The following PLCB1 variants were observed in gnomAD, a reference collection of about 807,000 sequenced individuals.
PLCB1 encodes the protein phospholipase C beta 1.
A neutral mutation model predicts 161.8 loss-of-function variants in PLCB1; 46 were observed. The ratio of observed to expected loss-of-function variants is 0.28; its 90% CI spans 0.22 to 0.36. PLCB1 has a LOEUF of 0.36. Ranked by LOEUF, PLCB1 falls within the 10% of genes least tolerant of loss-of-function variation. The probability of loss-of-function intolerance (pLI) is 1.00; values close to 1 mark genes in which losing one functional copy is unlikely to be tolerated. For missense variants in PLCB1, 1,016 were observed against 1,472.5 expected, an observed-to-expected ratio of 0.69 and a Z score of 5.07; for synonymous variants, 517 against 503.7, an observed-to-expected ratio of 1.03 and a Z score of -0.35.
chr20:8,156,940 G>C (rs1340480642), intron 2 of PLCB1, among the ~76,000 whole-genome samples: 2 of 152,146 alleles, frequency 1.3e-5, no homozygotes, highest in Non-Finnish European at 2.9e-5. Context: ...AAAATGTGCT[G>C]TTTTGAAAAC....
chr20:8,273,597 C>T (rs6133565), intron 2 of PLCB1, among the ~76,000 whole-genome samples: 15,661 of 152,064 alleles, frequency 0.1, 953 homozygotes, highest in East Asian at 0.18. Flanking sequence ...AACCTAACCC[C>T]GCTGGCTGAA....
chr20:8,702,129 TAA>T (rs1480898324), intron 11 of PLCB1, among the ~76,000 whole-genome samples: 3 of 152,176 alleles, frequency 2.0e-5, no homozygotes, highest in African/African-American at 7.2e-5. Flanking sequence ...TGGGTCAAAA[TAA>T]AAAGTTACGT....
intron 2 of PLCB1, among the ~76,000 whole-genome samples, chr20:8,152,580 C>G (rs2051520287): frequency 6.6e-6 from 1 of 151,972 alleles, no homozygotes; most frequent in South Asian, 2.1e-4. Flanking sequence ...TATTTTTTAT[C>G]TGGCAATTAG....
At chr20:8,280,734 A>G (rs1331678310) in intron 2 of PLCB1, among the ~76,000 whole-genome samples, 2 of 152,224 alleles carry the variant, frequency 1.3e-5, no homozygotes, top group African/African-American at 4.8e-5. Context: ...AATATTAAGC[A>G]TTTAATTATT....
Position 8,781,447 on chromosome 20 carries a change from CAA to C in PLCB1, c.3111+6730_3111+6731del, listed in dbSNP as rs569069973. Reference sequence around the variant, plus strand: ...ACACACACACACACACACACACACACAAAGATCCAAATCCATATAGTTTTCAA... The same window carrying C: ...ACACACACACACACACACACACACACAGATCCAAATCCATATAGTTTTCAA... On this transcript the variant is annotated intron_variant, in intron 27 of 31. Transcript: ENST00000338037. Among the ~76,000 whole-genome samples the C allele has an allele frequency of 3.3e-3, 483 of 145,888 alleles. 8 individuals are homozygous for C. In the South Asian group the frequency reaches 0.043, roughly 13 times the overall value.
intron 2 of PLCB1, among the ~76,000 whole-genome samples, chr20:8,295,096 A>G (rs1332433003): frequency 2.6e-5 from 4 of 152,184 alleles, no homozygotes; most frequent in Admixed American, 1.3e-4. Context: ...TACCTGTTGG[A>G]TAAAACTATA....
intron 2 of PLCB1, among the ~76,000 whole-genome samples, chr20:8,267,494 C>A (rs1309684966): frequency 6.6e-6 from 1 of 152,172 alleles, no homozygotes; most frequent in East Asian, 1.9e-4. Context: ...TCAGCTCTGC[C>A]TCATTCACTT....
At position 8,257,618 on chromosome 20, in the gene PLCB1, G is replaced by A. The variant is rs553289391; in HGVS notation, c.177+107247G>A. On this transcript the variant is annotated intron_variant, in intron 2 of 31. Transcript: ENST00000338037. ...GAACAGGGATAATAATGGTTCCTAC[G>A]TCACAGGGTGATTGTGAGAATTCCG... 2.2e-3 allele frequency among the ~76,000 whole-genome samples: 337 copies of A among 152,204 alleles called. 1 individual carries two copies. The highest frequency in any genetic ancestry group is 7.9e-3 in the African/African-American group (327 of 41,544).
chr20:8,343,711 C>T (rs1985896761), intron 2 of PLCB1, among the ~76,000 whole-genome samples: 1 of 152,170 alleles, frequency 6.6e-6, no homozygotes, highest in African/African-American at 2.4e-5. Context: ...CTCTGGTTAT[C>T]TCAATAGCTG....
chr20:8,777,784 A>T (rs897593978), intron 27 of PLCB1, among the ~76,000 whole-genome samples: 1 of 152,024 alleles, frequency 6.6e-6, no homozygotes, highest in Admixed American at 6.6e-5. Flanking sequence ...TAATAAAGAC[A>T]TACCTAAGAC....
intron 2 of PLCB1, among the ~76,000 whole-genome samples, chr20:8,303,369 G>C (rs1983993612): frequency 6.6e-6 from 1 of 152,164 alleles, no homozygotes; most frequent in Admixed American, 6.5e-5. Context: ...CTCCTGAGCA[G>C]ACAGAAGCTC....
At chr20:8,212,103 T>G (rs6055651) in intron 2 of PLCB1, among the ~76,000 whole-genome samples, 2,761 of 152,254 alleles carry the variant, frequency 0.018, 102 homozygotes, top group African/African-American at 0.063. Context: ...CTGAACTGTA[T>G]TTATATTTGT....
chr20:8,501,679 C>T lies in PLCB1; in HGVS notation c.247-126615C>T, dbSNP rs77042693. The stretch of plus-strand genomic sequence containing the variant: ...TAGGTGGTAAGAAACATACCGATGC[C>T]ATATCTTGGCCTGAGGCACAACTCT... On this transcript the variant is annotated intron_variant, in intron 3 of 31. Transcript: ENST00000338037. 5.7e-3 allele frequency among the ~76,000 whole-genome samples: 864 copies of T among 152,112 alleles called. 13 individuals are homozygous for T. The highest frequency in any genetic ancestry group is 0.02 in the African/African-American group (815 of 41,490).
chr20:8,168,465 C>T (rs1348293746), intron 2 of PLCB1, among the ~76,000 whole-genome samples: 1 of 152,112 alleles, frequency 6.6e-6, no homozygotes, highest in Non-Finnish European at 1.5e-5. Context: ...GGGTGTCTCT[C>T]ACCATACCCT....
chr20:8,878,872 G>T (rs765924928), intron 31 of PLCB1, among the ~76,000 whole-genome samples: 2 of 151,958 alleles, frequency 1.3e-5, no homozygotes, highest in Non-Finnish European at 2.9e-5. Flanking sequence ...TGAGTATATT[G>T]TGCTGAGGTT....
intron 3 of PLCB1, among the ~76,000 whole-genome samples, chr20:8,510,344 T>C (rs997183423): frequency 2.0e-5 from 3 of 152,104 alleles, no homozygotes; most frequent in Middle Eastern, 3.4e-3. Context: ...TTCTGAGTTA[T>C]TTATTTTAGG....
At chr20:8,694,662 AT>A (rs1990549114) in intron 10 of PLCB1, among the ~76,000 whole-genome samples, 1 of 152,222 alleles carries the variant, frequency 6.6e-6, no homozygotes, top group Admixed American at 6.5e-5. Flanking sequence ...ACACTGTTAA[AT>A]CTGATTAAAT....
At chr20:8,733,425 C>A in intron 19 of PLCB1, 33 bp downstream of exon 19, 1 of 1,590,314 alleles carries the variant, frequency 6.3e-7, no homozygotes, top group Non-Finnish European at 8.6e-7. Context: ...TTGTTCCTAA[C>A]AATAGTGTTG....
intron 3 of PLCB1, among the ~76,000 whole-genome samples, chr20:8,464,128 T>C (rs948170763): frequency 6.6e-6 from 1 of 152,192 alleles, no homozygotes. Flanking sequence ...GTTTCTCCTA[T>C]AGTCTAATAT....
Sources: allele counts gnomAD v4.1 joint callset (sites outside exome capture counted in the v4.1 genomes callset), GRCh38; gene constraint gnomAD v4.1.1; transcripts MANE v1.5; gene names NCBI Gene and HGNC (gene_info 2026-07-23, HGNC 2026-07-21).